TMEM108: variants seen among roughly 807,000 people sequenced by gnomAD.
TMEM108 encodes transmembrane protein 108, also known as cancer/testis antigen 124.
A neutral mutation model predicts 35.1 loss-of-function variants in TMEM108; 12 were observed. That is an observed-to-expected ratio of 0.34 (90% CI 0.22 to 0.55). The LOEUF (loss-of-function observed/expected upper bound fraction) is 0.55, where lower values mean the gene tolerates loss of function less well. Among genes scored for constraint, TMEM108 ranks in the 20% least tolerant of loss-of-function variants. TMEM108 has a pLI of 0.89. For missense variants in TMEM108, 680 were observed against 753.3 expected (o/e 0.90, Z 1.14); for synonymous variants, 287 against 308.6 (o/e 0.93, Z 0.73).
intron 3 of TMEM108, among the ~76,000 whole-genome samples, chr3:133,262,393 A>G (rs535479209): frequency 1.1e-4 from 17 of 152,364 alleles, no homozygotes; most frequent in Admixed American, 4.6e-4. Flanking sequence ...TTGCCAAGGA[A>G]GTTGCCCTCT....
intron 2 of TMEM108, among the ~76,000 whole-genome samples, chr3:133,094,240 C>CCCCCCCAACCCCCA (rs773837996): frequency 4.5e-5 from 5 of 110,848 alleles, no homozygotes; most frequent in Admixed American, 2.8e-4. Context: ...CCCACCCCCC[C>CCCCCCCAACCCCCA]CACACACACG....
chr3:133,149,214 A>G (rs938778515), intron 2 of TMEM108, among the ~76,000 whole-genome samples: 15 of 152,116 alleles, frequency 9.9e-5, no homozygotes, highest in Non-Finnish European at 2.1e-4. Flanking sequence ...GTCTCCCCCA[A>G]CCAGCTTTCC....
At chr3:133,237,552 AT>A (rs1285754194) in intron 3 of TMEM108, among the ~76,000 whole-genome samples, 1 of 152,150 alleles carries the variant, frequency 6.6e-6, no homozygotes, top group African/African-American at 2.4e-5. Flanking sequence ...AGTTCTCATA[AT>A]GTGATCCAAG....
At position 133,346,923 on chromosome 3, in the gene TMEM108, G is replaced by C. The variant is rs865817076; in HGVS notation, c.41-32829G>C. Among the ~76,000 whole-genome samples, 22 of 152,052 alleles carry C rather than the reference G, an allele frequency of 1.4e-4. No individual in the cohort carries two copies. The highest frequency in any genetic ancestry group is 5.3e-4 in the African/African-American group (22 of 41,426). On this transcript the variant is annotated intron_variant, in intron 3 of 5. Transcript: ENST00000321871. This position sits in a 1 kb window ranked among gnomAD's most constrained non-coding sequence, Gnocchi z 4.0. ...GTCCTTTCTCCATTGAATTGCCTTA[G>C]CTCCTTTGTCAAAGATCAGTTGACT...
Position 133,315,521 on chromosome 3 carries a change from T to A in TMEM108, c.41-64231T>A, listed in dbSNP as rs548544839. Among the ~76,000 whole-genome samples, 7 of 152,338 alleles carry A rather than the reference T, an allele frequency of 4.6e-5. No homozygotes were observed. The South Asian group carries it at 1.4e-3, about 32-fold the overall frequency. ...CCCATGAGAGCTTGGGTCTGTGGTATCAGCCAAACACAGATTCCATAAAGA... is the reference window on the plus strand; with the variant it reads ...CCCATGAGAGCTTGGGTCTGTGGTAACAGCCAAACACAGATTCCATAAAGA... On this transcript the variant is annotated intron_variant, in intron 3 of 5. Transcript: ENST00000321871.
At chr3:133,128,739 G>A (rs765222581) in intron 2 of TMEM108, among the ~76,000 whole-genome samples, 1 of 152,128 alleles carries the variant, frequency 6.6e-6, no homozygotes, top group Non-Finnish European at 1.5e-5. Context: ...AGAAACAAAG[G>A]CCTGCAAAGT....
chr3:133,200,597 G>T (rs892421645), intron 2 of TMEM108, among the ~76,000 whole-genome samples: 1 of 152,140 alleles, frequency 6.6e-6, no homozygotes, highest in Non-Finnish European at 1.5e-5. Flanking sequence ...ACTTTTAGCG[G>T]ATTTAAAGGA....
chr3:133,038,937 C>T (rs567749975), intron 1 of TMEM108, among the ~76,000 whole-genome samples: 2 of 151,962 alleles, frequency 1.3e-5, no homozygotes, highest in African/African-American at 4.8e-5. Context: ...GCGAAGAGCC[C>T]TCCTGCCTAG....
intron 2 of TMEM108, among the ~76,000 whole-genome samples, chr3:133,202,221 A>T (rs1209078556): frequency 6.6e-6 from 1 of 152,066 alleles, no homozygotes; most frequent in Non-Finnish European, 1.5e-5. Flanking sequence ...AGATTGCAAA[A>T]ATTTTCTCCC....
intron 3 of TMEM108, among the ~76,000 whole-genome samples, chr3:133,293,775 T>TA (rs1559894909): frequency 6.6e-6 from 1 of 152,136 alleles, no homozygotes; most frequent in Non-Finnish European, 1.5e-5. Context: ...GGTTTTTTTT[T>TA]AACATATTGA....
intron 2 of TMEM108, among the ~76,000 whole-genome samples, chr3:133,050,730 A>G (rs4854683): frequency 0.4 from 60,690 of 150,598 alleles, 12,737 homozygotes; most frequent in Admixed American, 0.51. Context: ...TACTATCTCC[A>G]TAGTTTTGCC....
chr3:133,238,531 A>G (rs1946270876), intron 3 of TMEM108, among the ~76,000 whole-genome samples: 2 of 152,206 alleles, frequency 1.3e-5, no homozygotes, highest in Admixed American at 1.3e-4. Flanking sequence ...TGGGAAATGT[A>G]CTTTCTGAGC....
intron 3 of TMEM108, among the ~76,000 whole-genome samples, chr3:133,274,096 C>T (rs1363254664): frequency 1.3e-5 from 2 of 152,156 alleles, no homozygotes; most frequent in African/African-American, 2.4e-5. Flanking sequence ...TGCTTCCCAG[C>T]GAGTTTGTAT....
At chr3:133,392,383 G>A (rs996281824) in intron 5 of TMEM108, among the ~76,000 whole-genome samples, 4 of 151,944 alleles carry the variant, frequency 2.6e-5, no homozygotes, top group Non-Finnish European at 5.9e-5. Context: ...GGCTGGTCTC[G>A]ACCTCCTCAC....
At position 133,266,697 on chromosome 3, in the gene TMEM108, G is replaced by A. The variant is rs1252833146; in HGVS notation, c.40+37346G>A. ...TCAGTGAGTGGTGTGAGCAAGAACC[G>A]GAAATTAAACAGTCAATGGATTGCA... On this transcript the variant is annotated intron_variant, in intron 3 of 5. Coordinates refer to ENST00000321871, the MANE Select transcript of TMEM108 (RefSeq NM_023943.4). 2.6e-5 allele frequency among the ~76,000 whole-genome samples: 4 copies of A among 152,228 alleles called. No homozygotes were observed. The East Asian group carries it at 5.8e-4, about 22-fold the overall frequency.
At chr3:133,044,685 G>C (rs990933996) in intron 1 of TMEM108, among the ~76,000 whole-genome samples, 1 of 152,146 alleles carries the variant, frequency 6.6e-6, no homozygotes, top group African/African-American at 2.4e-5. Context: ...TTGGTGGCTC[G>C]TGCCTTTGAG....
At chr3:133,041,668 A>G (rs1355443008) in intron 1 of TMEM108, 1 of 152,220 alleles carries the variant, frequency 6.6e-6, no homozygotes, top group East Asian at 1.9e-4. Context: ...GAGTAAACTG[A>G]CAAGCATCAT....
chr3:133,320,069 A>G lies in TMEM108; in HGVS notation c.41-59683A>G, dbSNP rs549697833. ...GATCACTTGAGCCCAGGAGTTCAAG[A>G]CCAGCCTGGGCAACATAGACTCCAT... On this transcript the variant is annotated intron_variant, in intron 3 of 5. Coordinates refer to ENST00000321871, the MANE Select transcript of TMEM108 (RefSeq NM_023943.4). 3.3e-5 allele frequency among the ~76,000 whole-genome samples: 5 copies of G among 152,280 alleles called. No individual in the cohort carries two copies. In the South Asian group the frequency reaches 1.0e-3, roughly 32 times the overall value.
intron 3 of TMEM108, among the ~76,000 whole-genome samples, chr3:133,276,840 AC>A (rs1946844883): frequency 1.3e-5 from 2 of 152,182 alleles, no homozygotes; most frequent in Admixed American, 1.3e-4. Flanking sequence ...GCTTCTGTAA[AC>A]AGCGTCATTC....
Sources: allele counts gnomAD v4.1 joint callset (sites outside exome capture counted in the v4.1 genomes callset), GRCh38; gene constraint gnomAD v4.1.1; non-coding constraint Gnocchi (gnomAD v3.1); transcripts MANE v1.5; gene names NCBI Gene and HGNC (gene_info 2026-07-23, HGNC 2026-07-21).